Variants in CTNNBIP1 observed in about 807,000 individuals in gnomAD.
CTNNBIP1 encodes beta-catenin-interacting protein 1.
Under a neutral mutation model 11.8 loss-of-function variants are expected in CTNNBIP1, and 7 were observed. The observed-to-expected ratio is 0.60, with a 90% CI of 0.34 to 1.12. CTNNBIP1 has a LOEUF of 1.12. CTNNBIP1 is among the 50% of genes most tolerant of loss of function. The probability of loss-of-function intolerance (pLI) is 0.03; values close to 1 mark genes in which losing one functional copy is unlikely to be tolerated. For missense variants in CTNNBIP1, 101 were observed against 113.4 expected (o/e 0.89, Z 0.50); for synonymous variants, 58 against 43.9 (o/e 1.32, Z -1.26).
intron 5 of CTNNBIP1, among the ~76,000 whole-genome samples, chr1:9,854,476 C>A (rs148930129): frequency 1.3e-5 from 2 of 151,350 alleles, no homozygotes; most frequent in Admixed American, 1.3e-4. Flanking sequence ...GTTGTGAAAA[C>A]TCTCCCTACC....
chr1:9,894,167 T>C (rs1639363426), intron 1 of CTNNBIP1, among the ~76,000 whole-genome samples: 1 of 152,174 alleles, frequency 6.6e-6, no homozygotes, highest in Non-Finnish European at 1.5e-5. Context: ...TGTTCACATT[T>C]TGCTATATAT....
At chr1:9,859,639 G>C (rs1237528201) in intron 5 of CTNNBIP1, among the ~76,000 whole-genome samples, 2 of 152,208 alleles carry the variant, frequency 1.3e-5, no homozygotes, top group Non-Finnish European at 2.9e-5. Context: ...TGCATTTCCT[G>C]AACTGCCAGG....
At chr1:9,903,362 G>A (rs1192993770) in intron 1 of CTNNBIP1, among the ~76,000 whole-genome samples, 2 of 152,146 alleles carry the variant, frequency 1.3e-5, no homozygotes, top group Non-Finnish European at 2.9e-5. Context: ...CCTGTTTACA[G>A]AAGTTTCTAC....
At chr1:9,881,632 C>A (rs1051168167) in intron 2 of CTNNBIP1, among the ~76,000 whole-genome samples, 2 of 152,072 alleles carry the variant, frequency 1.3e-5, no homozygotes, top group African/African-American at 4.8e-5. Flanking sequence ...AGCCACCACG[C>A]TGGGCCCCAG....
At chr1:9,878,384 C>A (rs1639014078) in intron 2 of CTNNBIP1, among the ~76,000 whole-genome samples, 1 of 152,190 alleles carries the variant, frequency 6.6e-6, no homozygotes, top group Non-Finnish European at 1.5e-5. Context: ...CAAGAGAATG[C>A]CCCACCTACC....
chr1:9,853,503 A>G (rs1317182884), intron 5 of CTNNBIP1, among the ~76,000 whole-genome samples: 1 of 152,232 alleles, frequency 6.6e-6, no homozygotes, highest in Admixed American at 6.5e-5. Flanking sequence ...GAGGGACCTC[A>G]GAGGTTGAGT....
intron 5 of CTNNBIP1, 75 bp from the exon 6 acceptor site, chr1:9,850,851 C>G: frequency 7.0e-7 from 1 of 1,427,328 alleles, no homozygotes; most frequent in East Asian, 2.3e-5. Flanking sequence ...AAGGAGGCTG[C>G]GGCCAAGCTG....
chr1:9,878,065 C>G (rs945638274), intron 2 of CTNNBIP1, 76 bp from the exon 3 acceptor site: 1 of 152,670 alleles, frequency 6.6e-6, no homozygotes, highest in African/African-American at 2.4e-5. Flanking sequence ...GCCTGGAGCA[C>G]ACGCCCCATG....
At position 9,905,621 on chromosome 1, in the gene CTNNBIP1, G is replaced by A. The variant is rs188426541; in HGVS notation, c.-144+4474C>T. 9.4e-4 allele frequency among the ~76,000 whole-genome samples: 142 copies of A among 150,564 alleles called. 1 individual carries two copies. The highest frequency in any genetic ancestry group is 3.1e-3 in the African/African-American group (129 of 40,960). On this transcript the variant is annotated intron_variant, in intron 1 of 5. Coordinates refer to ENST00000377263, the MANE Select transcript of CTNNBIP1 (RefSeq NM_020248.3). The stretch of plus-strand genomic sequence containing the variant: ...TTTTTTTTGTATTTTTAGTAGAGAC[G>A]GGGTTTCACCATGTTACCCAGGATG...
intron 1 of CTNNBIP1, among the ~76,000 whole-genome samples, chr1:9,893,811 G>C (rs530573865): frequency 6.6e-6 from 1 of 152,278 alleles, no homozygotes; most frequent in South Asian, 2.1e-4. Flanking sequence ...AAGCATGCTA[G>C]GTCTTACCTG....
At chr1:9,866,677 C>G (rs1638753762) in intron 5 of CTNNBIP1, among the ~76,000 whole-genome samples, 1 of 138,524 alleles carries the variant, frequency 7.2e-6, no homozygotes, top group Non-Finnish European at 1.5e-5. Flanking sequence ...AAAACTCCTT[C>G]TCAAAAAAAA....
At position 9,886,965 on chromosome 1, in the gene CTNNBIP1, G is replaced by A. The variant is rs12070662; in HGVS notation, c.-143-3227C>T. Among the ~76,000 whole-genome samples, 1,467 of 152,128 alleles carry A rather than the reference G, an allele frequency of 9.6e-3. 27 individuals are homozygous for A. The highest frequency in any genetic ancestry group is 0.032 in the African/African-American group (1,346 of 41,530). On this transcript the variant is annotated intron_variant, in intron 1 of 5. Transcript: ENST00000377263. ...GCCTCCTCCATCCACAGCCACGCTC[G>A]GTATTCCCGAACCGCACTCCACCAG...
rs1468350956 is a variant in CTNNBIP1, at chr1:9,871,572, T to G, written c.97-295A>C. ...TCCTGCCCGGAAGGCTGAGGGGCGA[T>G]TCCATGTCCCTCCACTCTTTTTGAG... On this transcript the variant is annotated intron_variant, in intron 4 of 5. Transcript: ENST00000377263. The surrounding 1 kb of genome is among the most constrained non-coding windows in gnomAD (Gnocchi z 5.2). 6.6e-6 allele frequency among the ~76,000 whole-genome samples: 1 copy of G among 152,048 alleles called. No homozygotes were observed. Among genetic ancestry groups the G allele is most frequent in the African/African-American group, 2.4e-5 (1 of 41,414 alleles).
chr1:9,905,523 C>T (rs1482133556), intron 1 of CTNNBIP1, among the ~76,000 whole-genome samples: 1 of 151,768 alleles, frequency 6.6e-6, no homozygotes, highest in Non-Finnish European at 1.5e-5. Context: ...CCCGGGTTCA[C>T]GCCATTCTCC....
At chr1:9,860,612 A>G (rs943330167) in intron 5 of CTNNBIP1, among the ~76,000 whole-genome samples, 4 of 130,766 alleles carry the variant, frequency 3.1e-5, no homozygotes, top group Non-Finnish European at 6.2e-5. Flanking sequence ...GCAAGACTTC[A>G]TCTCTCAAAA....
rs1045049169 is a variant in CTNNBIP1 at position 9,849,102 on chromosome 1, C to T, written c.*1616G>A. ...TGAGGACTGCATCTTTCTCCAGCCGCTCTCCCCAGATCCCACACCTGCCAG... is the reference window on the plus strand; with the variant it reads ...TGAGGACTGCATCTTTCTCCAGCCGTTCTCCCCAGATCCCACACCTGCCAG... On this transcript the variant is annotated 3_prime_UTR_variant, in exon 6 of 6. Coordinates refer to ENST00000377263, the MANE Select transcript of CTNNBIP1 (RefSeq NM_020248.3). 6.6e-6 allele frequency: 1 copy of T among 152,268 alleles called. No individual in the cohort carries two copies. Among genetic ancestry groups the T allele is most frequent in the African/African-American group, 2.4e-5 (1 of 41,440 alleles). 9.4% of individuals were successfully genotyped at this position (152,268 alleles called of 1,614,324 possible).
chr1:9,891,781 ATTTTTTTTTTTT>A (rs70998316), intron 1 of CTNNBIP1, among the ~76,000 whole-genome samples: 3 of 81,410 alleles, frequency 3.7e-5, no homozygotes, highest in African/African-American at 1.0e-4. Flanking sequence ...ATCTCTTTAA[ATTTTTTTTTTTT>A]TTTTTTTTTT....
intron 5 of CTNNBIP1, among the ~76,000 whole-genome samples, chr1:9,861,116 C>T (rs1638616732): frequency 6.6e-6 from 1 of 152,254 alleles, no homozygotes; most frequent in South Asian, 2.1e-4. Context: ...GTCTCATCCT[C>T]TTCTCTGACC....
chr1:9,861,259 C>G (rs1454700786), intron 5 of CTNNBIP1, among the ~76,000 whole-genome samples: 1 of 152,196 alleles, frequency 6.6e-6, no homozygotes, highest in Non-Finnish European at 1.5e-5. Flanking sequence ...GGAAAGGCTA[C>G]CTGGAAAAGC....
Sources: allele counts gnomAD v4.1 joint callset (sites outside exome capture counted in the v4.1 genomes callset), GRCh38; gene constraint gnomAD v4.1.1; non-coding constraint Gnocchi (gnomAD v3.1); transcripts MANE v1.5; gene names NCBI Gene and HGNC (gene_info 2026-07-23, HGNC 2026-07-21).